The following ZDHHC17 variants were observed in gnomAD, a reference collection of about 807,000 sequenced individuals.
The protein encoded by ZDHHC17 is palmitoyltransferase ZDHHC17.
A neutral mutation model predicts 90.3 loss-of-function variants in ZDHHC17; 40 were observed. The observed-to-expected ratio is 0.44, with a 90% confidence interval of 0.34 to 0.58. The LOEUF (loss-of-function observed/expected upper bound fraction) is 0.58, where lower values mean the gene tolerates loss of function less well. ZDHHC17 is among the 20% of genes least tolerant of loss of function. The pLI, the probability that ZDHHC17 is intolerant of heterozygous loss-of-function variation, is 0.01. For synonymous variants in ZDHHC17, 235 were observed against 252.4 expected, an observed-to-expected ratio of 0.93 and a Z score of 0.65; for missense variants, 614 against 780.8, an observed-to-expected ratio of 0.79 and a Z score of 2.55.
At chr12:76,843,717 T>C (rs867816344) in intron 12 of ZDHHC17, among the ~76,000 whole-genome samples, 1 of 152,112 alleles carries the variant, frequency 6.6e-6, no homozygotes, top group African/African-American at 2.4e-5. Context: ...TTTTTCTACA[T>C]GGAAATTGAA....
chr12:76,839,858 T>G (rs1953411675), intron 10 of ZDHHC17, among the ~76,000 whole-genome samples: 1 of 152,230 alleles, frequency 6.6e-6, no homozygotes, highest in Non-Finnish European at 1.5e-5. Context: ...AAAGTGTCTG[T>G]GTATATTTAT....
chr12:76,764,180 C>A lies in ZDHHC17; in HGVS notation c.-57C>A. 7.1e-7 allele frequency: 1 copy of A among 1,406,616 alleles called. No individual in the cohort carries two copies. The highest frequency in any genetic ancestry group is 9.5e-7 in the Non-Finnish European group (1 of 1,053,782). 87.1% of individuals were successfully genotyped at this position (1,406,616 alleles called of 1,614,324 possible). A position where few individuals can be genotyped will look rare whatever the true frequency, so the allele number is the denominator to read the frequency against. On this transcript the variant is annotated 5_prime_UTR_variant, in exon 1 of 17. Coordinates refer to ENST00000426126, the MANE Select transcript of ZDHHC17 (RefSeq NM_015336.4). ...GCCTCCGGCGGGGCTCGCGCTCGCC[C>A]CGCGCTCGCCCTCCGCCTCGCCCGA...
chr12:76,780,657 A>T (rs775134405), intron 1 of ZDHHC17, among the ~76,000 whole-genome samples: 26 of 152,196 alleles, frequency 1.7e-4, no homozygotes, highest in Non-Finnish European at 3.7e-4. Context: ...TTTCCAAGTA[A>T]TGTGACCTCT....
intron 1 of ZDHHC17, among the ~76,000 whole-genome samples, chr12:76,772,867 T>C (rs1952512328): frequency 6.6e-6 from 1 of 151,944 alleles, no homozygotes; most frequent in South Asian, 2.1e-4. Context: ...TTTGTTTCTT[T>C]GGGAGAGGGA....
intron 2 of ZDHHC17, among the ~76,000 whole-genome samples, chr12:76,800,034 T>C (rs1219857424): frequency 6.6e-6 from 1 of 152,242 alleles, no homozygotes; most frequent in East Asian, 1.9e-4. Context: ...GTATCTTCCA[T>C]GTGTGGTATC....
At position 76,851,164 on chromosome 12, in the gene ZDHHC17, C is replaced by T. The variant is rs1431524335; in HGVS notation, c.*179C>T. ...TTAACAAAAGTAAACATGGACAGAACACACTGCCATTTCTGGGAAGAGTAA... is the reference window on the plus strand; with the variant it reads ...TTAACAAAAGTAAACATGGACAGAATACACTGCCATTTCTGGGAAGAGTAA... On this transcript the variant is annotated 3_prime_UTR_variant, in exon 17 of 17. Transcript: ENST00000426126. 3.2e-6 allele frequency: 2 copies of T among 624,196 alleles called. No individual in the cohort carries two copies. Among genetic ancestry groups the T allele is most frequent in the Middle Eastern group, 4.4e-4 (1 of 2,278 alleles). The allele number at this position is 624,196 out of a possible 1,614,324, so 38.7% of individuals were successfully genotyped here. A position where few individuals can be genotyped will look rare whatever the true frequency, so the allele number is the denominator to read the frequency against.
chr12:76,797,078 C>T (rs927098056), intron 1 of ZDHHC17, among the ~76,000 whole-genome samples: 1 of 151,922 alleles, frequency 6.6e-6, no homozygotes, highest in Non-Finnish European at 1.5e-5. Context: ...TCCTGGCTAA[C>T]ATGGTGAAAC....
Position 76,829,950 on chromosome 12 carries a change from C to T in ZDHHC17, c.1141+1460C>T, listed in dbSNP as rs73391830. Among the ~76,000 whole-genome samples, 1,410 of 152,248 alleles carry T rather than the reference C, an allele frequency of 9.3e-3. 16 individuals carry two copies. Among genetic ancestry groups the T allele is most frequent in the African/African-American group, 0.032 (1,342 of 41,530 alleles). On this transcript the variant is annotated intron_variant, in intron 10 of 16. Coordinates refer to ENST00000426126, the MANE Select transcript of ZDHHC17 (RefSeq NM_015336.4). ...TCCAGCAATCCGTCTGCCTGAGCCTCCCAAGCAGCTGGGACTACAGGCGTG... is the reference window on the plus strand; with the variant it reads ...TCCAGCAATCCGTCTGCCTGAGCCTTCCAAGCAGCTGGGACTACAGGCGTG...
At chr12:76,775,740 C>T (rs1952551438) in intron 1 of ZDHHC17, among the ~76,000 whole-genome samples, 1 of 152,092 alleles carries the variant, frequency 6.6e-6, no homozygotes, top group Non-Finnish European at 1.5e-5. Flanking sequence ...AAATAGTTAG[C>T]TGTTGTTTTA....
intron 5 of ZDHHC17, among the ~76,000 whole-genome samples, chr12:76,814,067 A>G (rs1243289994): frequency 2.6e-5 from 4 of 152,008 alleles, no homozygotes; most frequent in Admixed American, 1.3e-4. Context: ...TTTATTTTCA[A>G]AGTACTCCAG....
rs753053737 is a variant in ZDHHC17, at chr12:76,828,410, T to C, written c.1061T>C (p.Met354Thr). Residue 354 changes from methionine (M) to threonine (T), a missense_variant, in exon 10 of 17, where the codon ATG (methionine) becomes ACG (threonine). Physicochemically the swap from Met to Thr is moderately conservative, Grantham distance 81. Around this residue, in one of 5 missense-constraint regions of ZDHHC17, gnomAD observed 117 missense variants for 183.6 expected, o/e 0.64. Coordinates refer to ENST00000426126, the MANE Select transcript of ZDHHC17 (RefSeq NM_015336.4). Reference protein sequence around the residue: ...FLSKSFFDHSMHSALPLGIYL... With the variant: ...FLSKSFFDHSTHSALPLGIYL... ...TACAGATCCTTTTTCGATCATTCAA[T>C]GCATAGTGCATTGCCCCTTGGGATA... The C allele has an allele frequency of 2.1e-5, 34 of 1,609,864 alleles. No homozygotes were observed. The highest frequency in any genetic ancestry group is 2.6e-5 in the Non-Finnish European group (31 of 1,178,362).
chr12:76,836,817 G>T (rs1374775625), intron 10 of ZDHHC17, among the ~76,000 whole-genome samples: 4 of 152,054 alleles, frequency 2.6e-5, no homozygotes, highest in Non-Finnish European at 5.9e-5. Context: ...TCTCTTTGTG[G>T]TCCATATTTT....
chr12:76,764,275 C>T lies in ZDHHC17; in HGVS notation c.39C>T (p.Asp13=), dbSNP rs747649941. The T allele has an allele frequency of 1.2e-6, 2 of 1,606,948 alleles. No individual in the cohort carries two copies. The highest frequency in any genetic ancestry group is 1.7e-4 in the Middle Eastern group (1 of 6,048). The part of the protein sequence containing the change: ...REEGFNTKMA[D]GPDEYDTEAG... ...AGGGATTTAACACCAAGATGGCGGA[C>T]GGCCCGGATGAGTACGATACCGAAG... is the stretch of plus-strand genomic sequence containing the variant. Residue 13 remains aspartate, a synonymous_variant, in exon 1 of 17, where the codon GAC becomes GAT. Transcript: ENST00000426126.
At position 76,851,145 on chromosome 12, in the gene ZDHHC17, A is replaced by C; in HGVS notation, c.*160A>C. 1 of 786,668 alleles carries C rather than the reference A, an allele frequency of 1.3e-6. No homozygotes were observed. The highest frequency in any genetic ancestry group is 3.0e-5 in the East Asian group (1 of 33,134). The allele number at this position is 786,668 out of a possible 1,614,324, so 48.7% of individuals were successfully genotyped here. On this transcript the variant is annotated 3_prime_UTR_variant, in exon 17 of 17. Transcript: ENST00000426126. ...CTTTTTTTCAACACTTTTATTAACA[A>C]AAGTAAACATGGACAGAACACACTG...
Position 76,848,363 on chromosome 12 carries a change from T to A in ZDHHC17, c.1638T>A (p.Ala546=). The A allele has an allele frequency of 6.2e-7, 1 of 1,613,908 alleles. No individual in the cohort carries two copies. Among genetic ancestry groups the A allele is most frequent in the South Asian group, 1.1e-5 (1 of 91,060 alleles). ...LNSVFHFMWV[A]VLLMCQMYQI... is the part of the protein sequence containing the mutation. ...GTGTTTTCCACTTCATGTGGGTGGC[T>A]GTATTACTCATGTGTCAGATGTACC... The change falls in exon 15 of 17, where the codon GCT becomes GCA. Residue 546 remains alanine, a synonymous_variant. Coordinates refer to ENST00000426126, the MANE Select transcript of ZDHHC17 (RefSeq NM_015336.4).
intron 1 of ZDHHC17, among the ~76,000 whole-genome samples, chr12:76,794,801 ATAAAATTAAAGTTTCTTGAAAACTT>A (rs1415804583): frequency 2.6e-5 from 4 of 152,198 alleles, no homozygotes; most frequent in Admixed American, 2.6e-4. Flanking sequence ...GGGCATGAAA[ATAAAATTAAAGTTTCTTGAAAACTT>A]TATGATAGTA....
chr12:76,768,856 TCTTTCTTTCTTC>T (rs1952460371), intron 1 of ZDHHC17, among the ~76,000 whole-genome samples: 1 of 152,208 alleles, frequency 6.6e-6, no homozygotes, highest in Non-Finnish European at 1.5e-5. Context: ...GGCTTTCATC[TCTTTCTTTCTTC>T]CTTTTTTCTC....
chr12:76,831,112 G>C (rs978583456), intron 10 of ZDHHC17, among the ~76,000 whole-genome samples: 1 of 152,118 alleles, frequency 6.6e-6, no homozygotes, highest in African/African-American at 2.4e-5. Context: ...TGCAGTATGA[G>C]AATACCAAGT....
At chr12:76,769,960 G>A (rs1952474683) in intron 1 of ZDHHC17, among the ~76,000 whole-genome samples, 1 of 152,232 alleles carries the variant, frequency 6.6e-6, no homozygotes, top group East Asian at 1.9e-4. Context: ...ATTAAGAGTG[G>A]ACTGTGGAGT....
Sources: gnomAD v4.1 joint callset for allele counts (sites outside exome capture counted in the v4.1 genomes callset) on GRCh38, gnomAD v4.1.1 for gene constraint, gnomAD v4.1.1 regional missense constraint, MANE v1.5 for transcripts, NCBI Gene and HGNC (gene_info 2026-07-23, HGNC 2026-07-21) for gene names.